Variants in PPIE observed in about 807,000 individuals in gnomAD.
The protein encoded by PPIE is peptidylprolyl isomerase E.
Under a neutral mutation model 38.4 loss-of-function variants are expected in PPIE, and 20 were observed. That is an observed-to-expected ratio of 0.52 (90% CI 0.37 to 0.76). The LOEUF is 0.76. Among genes scored for constraint, PPIE ranks in the 30% least tolerant of loss-of-function variants. The pLI is 0.00. For missense variants in PPIE, 322 were observed against 385.8 expected (o/e 0.83, Z 1.39); for synonymous variants, 142 against 135.7 (o/e 1.05, Z -0.32).
At chr1:39,741,037 A>G (rs868130471) in intron 2 of PPIE, among the ~76,000 whole-genome samples, 1 of 152,238 alleles carries the variant, frequency 6.6e-6, no homozygotes, top group African/African-American at 2.4e-5. Flanking sequence ...ATTTAGATAG[A>G]TAATTGATAG....
intron 7 of PPIE, chr1:39,748,000 A>G (rs746490750): frequency 8.6e-5 from 13 of 152,036 alleles, no homozygotes; most frequent in Non-Finnish European, 1.3e-4. Flanking sequence ...TGGTGAGAAC[A>G]TGGCTTACTG....
intron 7 of PPIE, chr1:39,746,754 G>A (rs1224051565): frequency 6.6e-6 from 1 of 152,160 alleles, no homozygotes; most frequent in Non-Finnish European, 1.5e-5. Context: ...GCTTTCTCGG[G>A]TCTGCTATAT....
rs506333 is a variant in PPIE, at chr1:39,755,792, T to C, written c.*2437T>C. On this transcript the variant is annotated 3_prime_UTR_variant, in exon 10 of 10. Coordinates refer to ENST00000324379, the MANE Select transcript of PPIE (RefSeq NM_006112.4). ...CTCTCCCAGTGTTCCTCCTGGGTGTTCACAGATGTTATTGAATGCACACTG... is the reference window on the plus strand; with the variant it reads ...CTCTCCCAGTGTTCCTCCTGGGTGTCCACAGATGTTATTGAATGCACACTG... 651,707 of 984,988 alleles carry C rather than the reference T, an allele frequency of 0.66. 216,407 individuals are homozygous for C. Among genetic ancestry groups the C allele is most frequent in the Middle Eastern group, 0.74 (1,423 of 1,914 alleles). The allele number at this position is 984,988 out of a possible 1,614,324, so 61.0% of individuals were successfully genotyped here. A position where few individuals can be genotyped will look rare whatever the true frequency, so the allele number is the denominator to read the frequency against.
chr1:39,754,050 TTC>T lies in PPIE; in HGVS notation c.*699_*700del. ...TGAAATTTTTATAACTCAAAGTGCC[TTC>T]TCTGTGCCAAGTACTATGCCTATTT... On this transcript the variant is annotated 3_prime_UTR_variant, in exon 10 of 10. Coordinates refer to ENST00000324379, the MANE Select transcript of PPIE (RefSeq NM_006112.4). The T allele has an allele frequency of 1.0e-6, 1 of 985,426 alleles. No individual in the cohort carries two copies. Among genetic ancestry groups the T allele is most frequent in the Non-Finnish European group, 1.2e-6 (1 of 829,896 alleles). 61.0% of individuals were successfully genotyped at this position (985,426 alleles called of 1,614,324 possible).
chr1:39,740,014 A>G (rs778520796), intron 1 of PPIE, 151 bp from the exon 2 acceptor site: 32 of 597,394 alleles, frequency 5.4e-5, no homozygotes, highest in Non-Finnish European at 9.6e-5. Flanking sequence ...TTTCATAAGT[A>G]TGGGTGGGCA....
chr1:39,763,120 G>C (rs1009904734), intron 9 of PPIE: 1 of 1,614,070 alleles, frequency 6.2e-7, no homozygotes, highest in East Asian at 2.2e-5. Context: ...GTGGTTGGTG[G>C]CATTCATGCA....
In PPIE at chr1:39,754,004, C is replaced by G; in HGVS notation, c.*649C>G. ...GTTCATTTGTTTATTTGTTCACTTT[C>G]ACCCTACAGATTTTAAAAAATGAAA... On this transcript the variant is annotated 3_prime_UTR_variant, in exon 10 of 10. Coordinates refer to ENST00000324379, the MANE Select transcript of PPIE (RefSeq NM_006112.4). 1.0e-6 allele frequency: 1 copy of G among 985,420 alleles called. No individual in the cohort carries two copies. The highest frequency in any genetic ancestry group is 1.2e-6 in the Non-Finnish European group (1 of 829,910). The allele number at this position is 985,420 out of a possible 1,614,324, so 61.0% of individuals were successfully genotyped here.
intron 5 of PPIE, 115 bp downstream of exon 5, chr1:39,743,412 G>C: frequency 1.1e-6 from 1 of 886,334 alleles, no homozygotes; most frequent in Non-Finnish European, 1.8e-6. Flanking sequence ...TGGTAGATAG[G>C]AGTAGATGAT....
At chr1:39,740,918 T>C (rs373069690) in intron 2 of PPIE, among the ~76,000 whole-genome samples, 3 of 152,358 alleles carry the variant, frequency 2.0e-5, no homozygotes, top group African/African-American at 4.8e-5. Context: ...TAAACATTAT[T>C]GTGCTTGGTC....
At chr1:39,762,747 C>G in intron 9 of PPIE, 1 of 1,382,128 alleles carries the variant, frequency 7.2e-7, no homozygotes, top group South Asian at 1.5e-5. Flanking sequence ...GCTAAGATCA[C>G]ACAGCCCCCA....
intron 6 of PPIE, 46 bp downstream of exon 6, chr1:39,743,970 A>C (rs1352428275): frequency 7.2e-7 from 1 of 1,383,940 alleles, no homozygotes; most frequent in Admixed American, 2.2e-5. Context: ...GGCGCTGTCC[A>C]CAGGAGACTT....
rs1006693240 is a variant in PPIE, at chr1:39,756,283, C to T, written c.*2928C>T. 4.1e-6 allele frequency: 4 copies of T among 985,368 alleles called. No homozygotes were observed. The African/African-American group carries it at 5.2e-5, about 13-fold the overall frequency. The allele number at this position is 985,368 out of a possible 1,614,324, so 61.0% of individuals were successfully genotyped here. A position where few individuals can be genotyped will look rare whatever the true frequency, so the allele number is the denominator to read the frequency against. On this transcript the variant is annotated 3_prime_UTR_variant, in exon 10 of 10. Coordinates refer to ENST00000324379, the MANE Select transcript of PPIE (RefSeq NM_006112.4). ...TGGGACTGTGTGGCTCCTGTCCCAA[C>T]TGGCCTCCCCATTCCACATTCCCAT... is the stretch of plus-strand genomic sequence containing the variant.
Position 39,752,912 on chromosome 1 carries a change from C to G in PPIE, c.697C>G (p.Leu233Val). 2 of 1,613,346 alleles carry G rather than the reference C, an allele frequency of 1.2e-6. No individual in the cohort carries two copies. Among genetic ancestry groups the G allele is most frequent in the East Asian group, 4.5e-5 (2 of 44,868 alleles). ...CTGATGGTTGTTCTCTCCCTCAGGT[C>G]TACTATCCATGGCCAACTCTGGCCC... is the stretch of plus-strand genomic sequence containing the variant. ...NFILKHTGPG[L>V]LSMANSGPNT... The change falls in exon 9 of 10, where the codon CTA becomes GTA. Residue 233 changes from leucine (L) to valine (V), a missense_variant and splice_region_variant. By Grantham distance (32) the Leu-to-Val change is conservative (BLOSUM62 1). Transcript: ENST00000324379.
At chr1:39,749,172 C>G in intron 8 of PPIE, 84 bp downstream of exon 8, 1 of 1,416,268 alleles carries the variant, frequency 7.1e-7, no homozygotes, top group Non-Finnish European at 9.6e-7. Flanking sequence ...GGTTGTAGTT[C>G]TGGCTGGCGG....
At chr1:39,763,656 C>G in intron 9 of PPIE, 1 of 1,558,358 alleles carries the variant, frequency 6.4e-7, no homozygotes, top group Non-Finnish European at 8.8e-7. Context: ...TGCAGATTCA[C>G]TTCTGATCTA....
intron 9 of PPIE, chr1:39,762,619 A>G: frequency 6.5e-7 from 1 of 1,548,280 alleles, no homozygotes. Context: ...GAGCCACACC[A>G]TCTAGAAGCT....
chr1:39,749,018 C>G lies in PPIE; in HGVS notation c.624C>G (p.Gly208=). 1 of 1,612,308 alleles carries G rather than the reference C, an allele frequency of 6.2e-7. No homozygotes were observed. Among genetic ancestry groups the G allele is most frequent in the Non-Finnish European group, 8.5e-7 (1 of 1,179,550 alleles). Reference sequence around the variant, plus strand: ...GCGGTGATTTCACAAACCACAATGGCACTGGGGGCAAGTCCATCTATGGGA... The same window carrying G: ...GCGGTGATTTCACAAACCACAATGGGACTGGGGGCAAGTCCATCTATGGGA... ...CQGGDFTNHN[G]TGGKSIYGKK... is the part of the protein sequence containing the mutation. Residue 208 remains glycine (G), a synonymous_variant, in exon 8 of 10, where the codon GGC becomes GGG. Coordinates refer to ENST00000324379, the MANE Select transcript of PPIE (RefSeq NM_006112.4).
intron 9 of PPIE, among the ~76,000 whole-genome samples, chr1:39,763,391 C>G (rs1649302073): frequency 6.9e-6 from 1 of 145,742 alleles, no homozygotes; most frequent in South Asian, 2.2e-4. Context: ...TGCGTCCCCT[C>G]CCCAGCCGGC....
chr1:39,740,120 G>A (rs780797928), intron 1 of PPIE, 45 bp from the exon 2 acceptor site: 2 of 1,501,012 alleles, frequency 1.3e-6, no homozygotes, highest in East Asian at 2.3e-5. Flanking sequence ...ACTTCTGCAA[G>A]AGTATGGAGA....
Sources: gnomAD v4.1 joint callset for allele counts (sites outside exome capture counted in the v4.1 genomes callset) on GRCh38, gnomAD v4.1.1 for gene constraint, MANE v1.5 for transcripts, NCBI Gene and HGNC (gene_info 2026-07-23, HGNC 2026-07-21) for gene names.